NALF1: variants seen among roughly 807,000 people sequenced by gnomAD.
NALF1 encodes NALCN channel auxiliary factor 1.
In NALF1, 3 loss-of-function variants were observed where a neutral mutation model predicts 48.4. That is an observed-to-expected ratio of 0.06 (90% CI 0.03 to 0.16). The LOEUF is 0.16. NALF1 is among the 10% of genes least tolerant of loss of function. The pLI is 1.00. For missense variants in NALF1, 526 were observed against 571.5 expected, an observed-to-expected ratio of 0.92 and a Z score of 0.81; for synonymous variants, 262 against 245.7, an observed-to-expected ratio of 1.07 and a Z score of -0.62.
intron 1 of NALF1, among the ~76,000 whole-genome samples, chr13:107,776,669 C>T (rs1173171132): frequency 6.6e-6 from 1 of 152,186 alleles, no homozygotes; most frequent in Admixed American, 6.5e-5. Context: ...GAAACAATTG[C>T]CTTAAGAACA....
chr13:107,824,787 C>T (rs964621633), intron 1 of NALF1, among the ~76,000 whole-genome samples: 2 of 152,144 alleles, frequency 1.3e-5, no homozygotes, highest in Non-Finnish European at 2.9e-5. Context: ...TGCAGGTGCA[C>T]GTGGTGTTCA....
chr13:107,559,798 T>G (rs1877591789), intron 1 of NALF1, among the ~76,000 whole-genome samples: 1 of 152,216 alleles, frequency 6.6e-6, no homozygotes, highest in Non-Finnish European at 1.5e-5. Flanking sequence ...TATTCTTTGA[T>G]GTTCATTAAT....
rs142703089 is a variant in NALF1 at position 107,348,833 on chromosome 13, G to A, written c.916-138078C>T. On this transcript the variant is annotated intron_variant, in intron 1 of 2. Coordinates refer to ENST00000375915, the MANE Select transcript of NALF1 (RefSeq NM_001080396.3). ...AATATAAGAATAAGAGTCACTGAAA[G>A]CTGCTACAATTCAACCATAACACCT... 7.9e-3 allele frequency among the ~76,000 whole-genome samples: 1,210 copies of A among 152,310 alleles called. 18 individuals are homozygous for A. The highest frequency in any genetic ancestry group is 0.028 in the African/African-American group (1,150 of 41,548).
rs1248368300 is a variant in NALF1 at position 107,164,121 on chromosome 13, G to C, written c.*6376C>G. The C allele has an allele frequency of 6.6e-6, 1 of 152,152 alleles. No homozygotes were observed. Among genetic ancestry groups the C allele is most frequent in the Non-Finnish European group, 1.5e-5 (1 of 68,030 alleles). 9.4% of individuals were successfully genotyped at this position (152,152 alleles called of 1,614,324 possible). ...GTGCTGCGGTGAGCTGGGAGTTTTA[G>C]GGGAAATAGTCACTGAAGAAAGTCT... On this transcript the variant is annotated 3_prime_UTR_variant, in exon 3 of 3. Coordinates refer to ENST00000375915, the MANE Select transcript of NALF1 (RefSeq NM_001080396.3).
chr13:107,481,479 C>G lies in NALF1; in HGVS notation c.916-270724G>C, dbSNP rs545820795. ...ATAAGTTATTATAAAAGCAATTAAACTAAAATCAATTGTTTACTACTCTCC... is the reference window on the plus strand; with the variant it reads ...ATAAGTTATTATAAAAGCAATTAAAGTAAAATCAATTGTTTACTACTCTCC... On this transcript the variant is annotated intron_variant, in intron 1 of 2. Coordinates refer to ENST00000375915, the MANE Select transcript of NALF1 (RefSeq NM_001080396.3). Among the ~76,000 whole-genome samples, 4 of 152,210 alleles carry G rather than the reference C, an allele frequency of 2.6e-5. No individual in the cohort carries two copies. In the East Asian group the frequency reaches 7.7e-4, roughly 29 times the overall value.
intron 1 of NALF1, among the ~76,000 whole-genome samples, chr13:107,234,239 A>C (rs2138827976): frequency 6.6e-6 from 1 of 152,284 alleles, no homozygotes; most frequent in Admixed American, 6.5e-5. Context: ...AAATAAGGCA[A>C]ATGTGCACCT....
At chr13:107,174,065 T>C (rs1232979331) in intron 2 of NALF1, among the ~76,000 whole-genome samples, 1 of 152,238 alleles carries the variant, frequency 6.6e-6, no homozygotes, top group Non-Finnish European at 1.5e-5. Context: ...GTTCTTATTT[T>C]ATGGTTACCA....
At chr13:107,527,966 T>G (rs1876499792) in intron 1 of NALF1, among the ~76,000 whole-genome samples, 1 of 152,184 alleles carries the variant, frequency 6.6e-6, no homozygotes. Flanking sequence ...TTAAAAAGAA[T>G]TCTTGTATTT....
intron 1 of NALF1, among the ~76,000 whole-genome samples, chr13:107,409,433 C>T (rs2209118): frequency 0.27 from 40,359 of 151,930 alleles, 5,547 homozygotes; most frequent in Middle Eastern, 0.36. Context: ...TGAAAGGATC[C>T]GGCCTGTTAG....
chr13:107,852,836 C>T (rs555649052), intron 1 of NALF1, among the ~76,000 whole-genome samples: 66 of 152,210 alleles, frequency 4.3e-4, no homozygotes, highest in African/African-American at 1.6e-3. Context: ...ACAAAATAAC[C>T]CACAATGGAG....
intron 1 of NALF1, among the ~76,000 whole-genome samples, chr13:107,483,584 T>C (rs1885285496): frequency 1.3e-5 from 2 of 152,060 alleles, no homozygotes; most frequent in Admixed American, 6.6e-5. Flanking sequence ...CTAGACAAAA[T>C]AGACTTCAGA....
At chr13:107,538,756 A>G (rs961994593) in intron 1 of NALF1, among the ~76,000 whole-genome samples, 12 of 152,192 alleles carry the variant, frequency 7.9e-5, no homozygotes, top group Admixed American at 7.9e-4. Flanking sequence ...TCTCTAAGCT[A>G]CAGTTTACTT....
chr13:107,373,308 T>C (rs1883279101), intron 1 of NALF1, among the ~76,000 whole-genome samples: 2 of 152,162 alleles, frequency 1.3e-5, no homozygotes, highest in South Asian at 4.1e-4. Context: ...CAAAATTCTC[T>C]GGAGATCGAA....
chr13:107,828,002 A>G (rs992371718), intron 1 of NALF1, among the ~76,000 whole-genome samples: 5 of 152,184 alleles, frequency 3.3e-5, no homozygotes, highest in Admixed American at 1.3e-4. Context: ...TTTGTCCCTC[A>G]GTCAGAACCT....
At chr13:107,423,686 TA>T (rs1884231129) in intron 1 of NALF1, among the ~76,000 whole-genome samples, 1 of 152,194 alleles carries the variant, frequency 6.6e-6, no homozygotes, top group East Asian at 1.9e-4. Context: ...TATACCTCAT[TA>T]TAATTTCTTC....
At chr13:107,378,938 T>G (rs907680158) in intron 1 of NALF1, among the ~76,000 whole-genome samples, 2 of 152,044 alleles carry the variant, frequency 1.3e-5, no homozygotes, top group African/African-American at 4.8e-5. Context: ...ACAATCAGGG[T>G]TTGATATTTT....
intron 1 of NALF1, among the ~76,000 whole-genome samples, chr13:107,525,770 C>A (rs1876413503): frequency 6.6e-6 from 1 of 152,030 alleles, no homozygotes; most frequent in Non-Finnish European, 1.5e-5. Context: ...TAATGCTCTG[C>A]ACATTTACCA....
At chr13:107,493,380 G>A (rs1481777533) in intron 1 of NALF1, among the ~76,000 whole-genome samples, 2 of 152,186 alleles carry the variant, frequency 1.3e-5, no homozygotes, top group Non-Finnish European at 1.5e-5. Context: ...TCTCTTGGGT[G>A]TGCTGCAGTG....
At chr13:107,194,255 C>T (rs780635500) in intron 2 of NALF1, among the ~76,000 whole-genome samples, 14 of 152,068 alleles carry the variant, frequency 9.2e-5, no homozygotes, top group South Asian at 2.1e-4. Context: ...TCATCTTGAG[C>T]GCTTGGCTGA....
Sources: allele counts gnomAD v4.1 joint callset (sites outside exome capture counted in the v4.1 genomes callset), GRCh38; gene constraint gnomAD v4.1.1; transcripts MANE v1.5; gene names NCBI Gene and HGNC (gene_info 2026-07-23, HGNC 2026-07-21).